WSCD2: variants seen among roughly 807,000 people sequenced by gnomAD.
WSCD2 encodes the protein WSC domain sialate O sulfotransferase 2, also known as sialate:O-sulfotransferase 2.
WSCD2 carries 28 observed loss-of-function variants against 55.7 expected under a neutral mutation model. That is an observed-to-expected ratio of 0.50 (90% CI 0.37 to 0.69). The LOEUF (loss-of-function observed/expected upper bound fraction) is 0.69, where lower values mean the gene tolerates loss of function less well. Ranked by LOEUF, WSCD2 falls within the 30% of genes least tolerant of loss-of-function variation. The probability of loss-of-function intolerance (pLI) is 0.00; values close to 1 mark genes in which losing one functional copy is unlikely to be tolerated. For synonymous variants in WSCD2, 301 were observed against 301.9 expected (o/e 1.00, Z 0.03); for missense variants, 616 against 762.1 (o/e 0.81, Z 2.26).
At chr12:108,204,620 G>A (rs947057967) in intron 2 of WSCD2, among the ~76,000 whole-genome samples, 14 of 152,344 alleles carry the variant, frequency 9.2e-5, no homozygotes, top group African/African-American at 2.4e-4. Flanking sequence ...GACAAGACCC[G>A]GGCTTCTCCA....
At chr12:108,223,598 T>C (rs753650940) in intron 4 of WSCD2, among the ~76,000 whole-genome samples, 5 of 152,184 alleles carry the variant, frequency 3.3e-5, no homozygotes, top group Non-Finnish European at 7.3e-5. Flanking sequence ...TCCCTATTGA[T>C]AAATCTTTGT....
chr12:108,187,689 G>A (rs1882677839), intron 1 of WSCD2, among the ~76,000 whole-genome samples: 1 of 152,144 alleles, frequency 6.6e-6, no homozygotes, highest in African/African-American at 2.4e-5. Context: ...TTATTATTAG[G>A]GTGCTATGTA....
chr12:108,164,161 T>TTTTTA (rs1555224811), intron 1 of WSCD2, among the ~76,000 whole-genome samples: 1 of 145,982 alleles, frequency 6.9e-6, no homozygotes, highest in East Asian at 2.0e-4. Flanking sequence ...TTTTTTTTTT[T>TTTTTA]TCAGAGAGGG....
chr12:108,202,043 C>T (rs891766849), intron 2 of WSCD2, among the ~76,000 whole-genome samples: 1 of 152,160 alleles, frequency 6.6e-6, no homozygotes, highest in Non-Finnish European at 1.5e-5. Context: ...CATATCTGAC[C>T]TCCTGTCTCC....
rs117254995 is a variant in WSCD2 at position 108,241,868 on chromosome 12, T to A, written c.1345+1324T>A. ...ATATTATGTGCAGTATTTTGTATATTAATTAGATCTTAATAAAGCTGGGGT... is the reference window on the plus strand; with the variant it reads ...ATATTATGTGCAGTATTTTGTATATAAATTAGATCTTAATAAAGCTGGGGT... On this transcript the variant is annotated intron_variant, in intron 8 of 8. Coordinates refer to ENST00000547525, the MANE Select transcript of WSCD2 (RefSeq NM_014653.4). Among the ~76,000 whole-genome samples, 835 of 152,338 alleles carry A rather than the reference T, an allele frequency of 5.5e-3. 5 individuals are homozygous for A. Among genetic ancestry groups the A allele is most frequent in the Non-Finnish European group, 9.8e-3 (669 of 68,024 alleles).
intron 5 of WSCD2, among the ~76,000 whole-genome samples, chr12:108,226,309 G>A (rs1032779141): frequency 1.3e-5 from 2 of 152,044 alleles, no homozygotes; most frequent in African/African-American, 4.8e-5. Flanking sequence ...CTGTTCAATA[G>A]AACAAATAAA....
intron 1 of WSCD2, among the ~76,000 whole-genome samples, chr12:108,143,584 T>G (rs1877080091): frequency 6.6e-6 from 1 of 152,236 alleles, no homozygotes; most frequent in Non-Finnish European, 1.5e-5. Context: ...TACTTAGCAC[T>G]GCCCCCAGCG....
chr12:108,196,063 G>C lies in WSCD2; in HGVS notation c.231G>C (p.Arg77=). 6.2e-7 allele frequency: 1 copy of C among 1,614,160 alleles called. No individual in the cohort carries two copies. The highest frequency in any genetic ancestry group is 8.5e-7 in the Non-Finnish European group (1 of 1,180,022). The change falls in exon 2 of 9, where the codon CGG becomes CGC. Residue 77 remains arginine, a synonymous_variant. Transcript: ENST00000547525. The part of the protein sequence containing the change: ...LGDMHLGRGF[R]DTGEASSIAR... Reference sequence around the variant, plus strand: ...ACATGCATCTGGGCAGAGGTTTCCGGGACACAGGTGAAGCCTCAAGCATTG... The same window carrying C: ...ACATGCATCTGGGCAGAGGTTTCCGCGACACAGGTGAAGCCTCAAGCATTG...
intron 1 of WSCD2, among the ~76,000 whole-genome samples, chr12:108,150,915 G>A (rs1028740710): frequency 6.6e-6 from 1 of 152,004 alleles, no homozygotes; most frequent in African/African-American, 2.4e-5. Flanking sequence ...CCTGGCTTCG[G>A]TCCCCACCTC....
chr12:108,182,132 A>T (rs1881853365), intron 1 of WSCD2, among the ~76,000 whole-genome samples: 2 of 152,224 alleles, frequency 1.3e-5, no homozygotes, highest in South Asian at 4.1e-4. Flanking sequence ...ATGAAAAAAT[A>T]AATCACTCCT....
chr12:108,203,748 C>A (rs1490184567), intron 2 of WSCD2, among the ~76,000 whole-genome samples: 2 of 152,224 alleles, frequency 1.3e-5, no homozygotes, highest in African/African-American at 2.4e-5. Flanking sequence ...ATGTGCCTAT[C>A]CTTACCCTAA....
chr12:108,163,715 A>G (rs1013955248), intron 1 of WSCD2, among the ~76,000 whole-genome samples: 1 of 152,192 alleles, frequency 6.6e-6, no homozygotes, highest in Non-Finnish European at 1.5e-5. Flanking sequence ...AGGGGCCAGG[A>G]GCCAAGGCAT....
intron 1 of WSCD2, among the ~76,000 whole-genome samples, chr12:108,138,779 G>C (rs1876486098): frequency 6.6e-6 from 1 of 152,158 alleles, no homozygotes; most frequent in African/African-American, 2.4e-5. Context: ...TTAGTGATTT[G>C]CTTGATTCAT....
At chr12:108,160,244 T>C (rs1212365041) in intron 1 of WSCD2, among the ~76,000 whole-genome samples, 1 of 152,140 alleles carries the variant, frequency 6.6e-6, no homozygotes, top group Non-Finnish European at 1.5e-5. Context: ...AGTCTGAGGG[T>C]GGACAGAGCT....
intron 7 of WSCD2, among the ~76,000 whole-genome samples, chr12:108,239,649 C>A (rs1889552263): frequency 6.6e-6 from 1 of 152,216 alleles, no homozygotes; most frequent in South Asian, 2.1e-4. Flanking sequence ...GCTGACTCCC[C>A]ACAAAGAGCA....
At chr12:108,234,031 C>A (rs867175161) in intron 7 of WSCD2, among the ~76,000 whole-genome samples, 22 of 152,184 alleles carry the variant, frequency 1.4e-4, no homozygotes, top group African/African-American at 5.3e-4. Flanking sequence ...GAGGTTGTTT[C>A]AAAGCAGGGG....
chr12:108,245,111 GAATTGAAT>G (rs1273708557), intron 8 of WSCD2, among the ~76,000 whole-genome samples: 1 of 152,144 alleles, frequency 6.6e-6, no homozygotes, highest in Non-Finnish European at 1.5e-5. Flanking sequence ...TGGGATTGCT[GAATTGAAT>G]GGTACTTCTA....
intron 1 of WSCD2, among the ~76,000 whole-genome samples, chr12:108,153,211 C>T (rs986018993): frequency 3.3e-5 from 5 of 152,210 alleles, no homozygotes; most frequent in Admixed American, 2.0e-4. Flanking sequence ...AATGGTGCAG[C>T]TCATTTTATC....
At chr12:108,179,119 C>T (rs1881309886) in intron 1 of WSCD2, among the ~76,000 whole-genome samples, 1 of 152,164 alleles carries the variant, frequency 6.6e-6, no homozygotes, top group South Asian at 2.1e-4. Flanking sequence ...ATCACTTTCA[C>T]ATGGCCTGTT....
Sources: allele counts gnomAD v4.1 joint callset (sites outside exome capture counted in the v4.1 genomes callset), GRCh38; gene constraint gnomAD v4.1.1; transcripts MANE v1.5; gene names NCBI Gene and HGNC (gene_info 2026-07-23, HGNC 2026-07-21).